The following UXS1 variants were observed in gnomAD, a reference collection of about 807,000 sequenced individuals.
The protein encoded by UXS1 is UDP-glucuronic acid decarboxylase 1.
Under a neutral mutation model 62.6 loss-of-function variants are expected in UXS1, and 33 were observed. The observed-to-expected ratio is 0.53, with a 90% CI of 0.40 to 0.70. The LOEUF is 0.70. Among genes scored for constraint, UXS1 ranks in the 30% least tolerant of loss-of-function variants. UXS1 has a pLI of 0.00. For missense variants in UXS1, 434 were observed against 556.3 expected (o/e 0.78, Z 2.21); for synonymous variants, 213 against 206.8 (o/e 1.03, Z -0.26).
At chr2:106,163,641 G>T in intron 4 of UXS1, 26 bp downstream of exon 4, 2 of 1,434,024 alleles carry the variant, frequency 1.4e-6, no homozygotes, top group South Asian at 1.4e-5. Context: ...TTTAACTATT[G>T]ACTTTAAGAC....
chr2:106,158,343 ATTCTATCTCTGAGAAGCAAAAGCG>A (rs1400374999), intron 4 of UXS1, among the ~76,000 whole-genome samples: 1 of 152,168 alleles, frequency 6.6e-6, no homozygotes, highest in Non-Finnish European at 1.5e-5. Flanking sequence ...GTGACTTGAG[ATTCTATCTCTGAGAAGCAAAAGCG>A]CAAGGAGCTA....
rs1683046000 is a variant in UXS1, at chr2:106,163,706, A to G, written c.191T>C (p.Val64Ala). The change falls in exon 4 of 15, where the codon GTT becomes GCT. Residue 64 changes from valine (V) to alanine (A), a missense_variant. Val to Ala is a moderately conservative substitution (Grantham distance 64, BLOSUM62 0). Around this residue, in one of 3 missense-constraint regions of UXS1, gnomAD observed 134 missense variants for 251.9 expected, o/e 0.53. Transcript: ENST00000283148. Reference protein sequence around the residue: ...LKIESKIEEMVEPLREKIRDL... With the variant: ...LKIESKIEEMAEPLREKIRDL... ...TCTGATTTTCTCTCTTAGTGGTTCA[A>G]CCATCTAGAACAATAATAACAAAAA... 4 of 1,442,498 alleles carry G rather than the reference A, an allele frequency of 2.8e-6. No individual in the cohort carries two copies. Among genetic ancestry groups the G allele is most frequent in the Non-Finnish European group, 3.7e-6 (4 of 1,090,826 alleles). The allele number at this position is 1,442,498 out of a possible 1,614,324, so 89.4% of individuals were successfully genotyped here.
At chr2:106,188,198 G>A (rs1350799763) in intron 1 of UXS1, among the ~76,000 whole-genome samples, 1 of 152,038 alleles carries the variant, frequency 6.6e-6, no homozygotes, top group Non-Finnish European at 1.5e-5. Context: ...CCTCCTCCCT[G>A]ACTTCTTTTT....
At chr2:106,098,838 A>G (rs1314699365) in intron 12 of UXS1, 65 bp from the exon 13 acceptor site, 2 of 1,462,082 alleles carry the variant, frequency 1.4e-6, no homozygotes, top group African/African-American at 2.8e-5. Flanking sequence ...CACCCAGACC[A>G]CAGGCGTGTC....
At chr2:106,128,564 C>T (rs894737539) in intron 7 of UXS1, among the ~76,000 whole-genome samples, 2 of 152,204 alleles carry the variant, frequency 1.3e-5, no homozygotes, top group African/African-American at 2.4e-5. Context: ...CAACTGCTTA[C>T]ACAGAACATC....
intron 6 of UXS1, among the ~76,000 whole-genome samples, chr2:106,143,251 T>C (rs773624321): frequency 8.0e-5 from 12 of 150,014 alleles, no homozygotes; most frequent in Non-Finnish European, 8.9e-5. Flanking sequence ...TACTAAAAAA[T>C]ACAAAAAATC....
chr2:106,175,724 T>C (rs1683836189), intron 1 of UXS1, among the ~76,000 whole-genome samples: 1 of 152,150 alleles, frequency 6.6e-6, no homozygotes, highest in Admixed American at 6.5e-5. Flanking sequence ...GTCCTCAAGG[T>C]CCAGACCTGC....
chr2:106,129,755 A>C lies in UXS1; in HGVS notation c.496T>G (p.Ser166Ala). The change falls in exon 7 of 15, where the codon TCT (serine) becomes GCT (alanine). Residue 166 changes from serine (S) to alanine (A), a missense_variant. This residue lies in a region of UXS1 where 134 missense variants were observed against 251.9 expected (regional missense o/e 0.53). Transcript: ENST00000283148. The part of the protein sequence containing the change: ...IEVDQIYHLA[S>A]PASPPNYMYN... ...ATGTAGTTTGGAGGGGAGGCTGGAG[A>C]TGCCAGATGGTATATCTGGTCAACT... 6.2e-7 allele frequency: 1 copy of C among 1,610,208 alleles called. No individual in the cohort carries two copies. Among genetic ancestry groups the C allele is most frequent in the Non-Finnish European group, 8.5e-7 (1 of 1,177,912 alleles).
intron 10 of UXS1, among the ~76,000 whole-genome samples, chr2:106,111,831 C>T (rs1016096137): frequency 1.3e-5 from 2 of 152,150 alleles, no homozygotes; most frequent in African/African-American, 2.4e-5. Flanking sequence ...GGATGCAAAT[C>T]GACTCGAGTC....
Position 106,112,667 on chromosome 2 carries a change from C to T in UXS1, c.858G>A (p.Ala286=), listed in dbSNP as rs779032133. 21 of 1,613,812 alleles carry T rather than the reference C, an allele frequency of 1.3e-5. No homozygotes were observed. In the Admixed American group the frequency reaches 1.3e-4, roughly 10 times the overall value. ...CTACCGTGAGTGGCTCCCCCTGGAG[C>T]GCCTGCAGGATGAAGTTGCTGACTA... ...GRVVSNFILQ[A]LQGEPLTVYG... Residue 286 remains alanine (A), a synonymous_variant, in exon 10 of 15, where the codon GCG becomes GCA. Transcript: ENST00000283148.
At chr2:106,120,332 C>G (rs1573446423) in intron 9 of UXS1, among the ~76,000 whole-genome samples, 2 of 152,354 alleles carry the variant, frequency 1.3e-5, no homozygotes, top group East Asian at 3.9e-4. Context: ...CTCCTCCTGT[C>G]TGCCTCGCAG....
At chr2:106,172,004 C>T (rs1203922625) in intron 1 of UXS1, among the ~76,000 whole-genome samples, 1 of 152,232 alleles carries the variant, frequency 6.6e-6, no homozygotes, top group Admixed American at 6.5e-5. Flanking sequence ...CAGGCTTTGC[C>T]TTCTTTCCAA....
chr2:106,162,565 T>C (rs2105054966), intron 4 of UXS1, among the ~76,000 whole-genome samples: 1 of 152,286 alleles, frequency 6.6e-6, no homozygotes, highest in South Asian at 2.1e-4. Context: ...TCAATTAAGA[T>C]CTCTCAATTC....
intron 5 of UXS1, among the ~76,000 whole-genome samples, chr2:106,147,971 G>A (rs1558725103): frequency 6.6e-6 from 1 of 152,184 alleles, no homozygotes; most frequent in Non-Finnish European, 1.5e-5. Flanking sequence ...GGTGAGACCA[G>A]GCATCCTCAT....
intron 5 of UXS1, among the ~76,000 whole-genome samples, chr2:106,153,839 C>T (rs1046294678): frequency 2.6e-5 from 4 of 152,004 alleles, no homozygotes; most frequent in African/African-American, 7.3e-5. Flanking sequence ...GTTCAAAGAA[C>T]GAAAGGAAAC....
chr2:106,112,222 G>T (rs930424593), intron 10 of UXS1, among the ~76,000 whole-genome samples: 3 of 152,198 alleles, frequency 2.0e-5, no homozygotes, highest in African/African-American at 7.2e-5. Context: ...GGTACCGAGG[G>T]CCTGCCGGCA....
Position 106,164,791 on chromosome 2 carries a change from A to G in UXS1, c.131T>C (p.Leu44Pro). ...ACCATTTTCCTGGATAGACCTGTTGAGTAGAAAGCTATAAAACTGAGATCA... is the reference window on the plus strand; with the variant it reads ...ACCATTTTCCTGGATAGACCTGTTGGGTAGAAAGCTATAAAACTGAGATCA... ...WGNFVNMSFL[L>P]NRSIQENGEL... Residue 44 changes from leucine (L) to proline (P), a missense_variant, in exon 3 of 15, where the codon CTC becomes CCC. Transcript: ENST00000283148. 6.3e-7 allele frequency: 1 copy of G among 1,588,066 alleles called. No individual in the cohort carries two copies. Among genetic ancestry groups the G allele is most frequent in the South Asian group, 1.2e-5 (1 of 86,516 alleles).
chr2:106,192,601 TATTA>T (rs1418779573), intron 1 of UXS1, among the ~76,000 whole-genome samples: 1 of 151,892 alleles, frequency 6.6e-6, no homozygotes, highest in Admixed American at 6.6e-5. Flanking sequence ...TCCCCTACTT[TATTA>T]ATTCTAAACC....
At chr2:106,100,834 G>A in intron 12 of UXS1, 1 of 580,208 alleles carries the variant, frequency 1.7e-6, no homozygotes, top group Non-Finnish European at 3.0e-6. Flanking sequence ...TTCAGAAGGT[G>A]GAGGGACTGA....
Sources: allele counts gnomAD v4.1 joint callset (sites outside exome capture counted in the v4.1 genomes callset), GRCh38; gene constraint gnomAD v4.1.1; regional missense constraint gnomAD v4.1.1; transcripts MANE v1.5; gene names NCBI Gene and HGNC (gene_info 2026-07-23, HGNC 2026-07-21).